PUM1: variants seen among roughly 807,000 people sequenced by gnomAD.
PUM1 encodes pumilio RNA binding family member 1.
A neutral mutation model predicts 131.8 loss-of-function variants in PUM1; 13 were observed. The ratio of observed to expected loss-of-function variants is 0.10; its 90% CI spans 0.06 to 0.16. PUM1 has a LOEUF of 0.16. PUM1 is among the 10% of genes least tolerant of loss of function. PUM1 has a pLI of 1.00. For synonymous variants in PUM1, 509 were observed against 556.5 expected (o/e 0.91, Z 1.20); for missense variants, 961 against 1,512.4 (o/e 0.64, Z 6.05).
chr1:31,028,641 CAA>C (rs1005571483), intron 3 of PUM1, 153 bp downstream of exon 3: 7 of 701,482 alleles, frequency 1.0e-5, no homozygotes, highest in Non-Finnish European at 1.7e-5. Flanking sequence ...ATAGTTTTGG[CAA>C]AATTCTCCAG....
At chr1:30,967,864 C>T (rs1338815337) in intron 11 of PUM1, among the ~76,000 whole-genome samples, 1 of 152,148 alleles carries the variant, frequency 6.6e-6, no homozygotes, top group Non-Finnish European at 1.5e-5. Context: ...GAACCAAAAA[C>T]AACATATATT....
intron 3 of PUM1, among the ~76,000 whole-genome samples, chr1:31,017,524 CTTTTT>C (rs747554543): frequency 1.4e-5 from 2 of 145,088 alleles, no homozygotes; most frequent in African/African-American, 5.0e-5. Context: ...TTTTTTTCTT[CTTTTT>C]TTTTTTTAGT....
At chr1:30,983,528 TTAAGGGTA>T (rs1469326798) in intron 7 of PUM1, among the ~76,000 whole-genome samples, 2 of 152,184 alleles carry the variant, frequency 1.3e-5, no homozygotes, top group Admixed American at 6.5e-5. Context: ...AACACAACTC[TTAAGGGTA>T]TCTCGATTTA....
intron 3 of PUM1, among the ~76,000 whole-genome samples, chr1:31,017,420 A>C (rs1402276876): frequency 6.6e-6 from 1 of 152,230 alleles, no homozygotes; most frequent in African/African-American, 2.4e-5. Context: ...AATTTAGAGC[A>C]AGCTTGTCCA....
At chr1:30,933,386 C>G in intron 21 of PUM1, 44 bp from the exon 22 acceptor site, 1 of 1,578,620 alleles carries the variant, frequency 6.3e-7, no homozygotes, top group African/African-American at 1.4e-5. Flanking sequence ...TGAGATGAGA[C>G]TTGGGGGCAG....
intron 12 of PUM1, 162 bp downstream of exon 12, chr1:30,967,005 C>A (rs1229954743): frequency 1.4e-4 from 90 of 628,120 alleles, no homozygotes; most frequent in East Asian, 1.8e-4. Flanking sequence ...AAAGGAGAAT[C>A]CACTAAGGTC....
intron 2 of PUM1, among the ~76,000 whole-genome samples, chr1:31,029,646 T>G (rs978172035): frequency 1.3e-5 from 2 of 152,234 alleles, no homozygotes; most frequent in African/African-American, 4.8e-5. Flanking sequence ...CTCTGCTGTC[T>G]GAGGCTAGAG....
intron 10 of PUM1, among the ~76,000 whole-genome samples, chr1:30,969,164 C>T (rs376524402): frequency 2.4e-3 from 361 of 151,902 alleles, no homozygotes; most frequent in African/African-American, 8.6e-3. Context: ...ATTAGCCAGG[C>T]GTGGCAGCAG....
intron 5 of PUM1, among the ~76,000 whole-genome samples, chr1:31,003,809 CAGA>C (rs1642303576): frequency 1.3e-5 from 2 of 152,110 alleles, no homozygotes; most frequent in South Asian, 4.1e-4. Flanking sequence ...CTCCATCCAC[CAGA>C]AGACTGTATA....
At chr1:30,973,894 C>A (rs1641030993) in intron 10 of PUM1, among the ~76,000 whole-genome samples, 1 of 151,744 alleles carries the variant, frequency 6.6e-6, no homozygotes, top group African/African-American at 2.4e-5. Context: ...TTGAGACAAG[C>A]CTGACCAACA....
At chr1:30,950,387 A>C (rs1639877940) in intron 16 of PUM1, 126 bp from the exon 17 acceptor site, 2 of 936,376 alleles carry the variant, frequency 2.1e-6, no homozygotes, top group Non-Finnish European at 3.1e-6. Flanking sequence ...CCCATGATTA[A>C]CTAAACCTTT....
At chr1:31,034,481 A>G (rs987045161) in intron 2 of PUM1, among the ~76,000 whole-genome samples, 1 of 152,204 alleles carries the variant, frequency 6.6e-6, no homozygotes, top group African/African-American at 2.4e-5. Flanking sequence ...CTCTACCAAA[A>G]ATACAAAAAT....
At chr1:31,052,200 G>A (rs570218646) in intron 2 of PUM1, among the ~76,000 whole-genome samples, 51 of 151,930 alleles carry the variant, frequency 3.4e-4, no homozygotes, top group African/African-American at 1.1e-3. Context: ...TTTTAGTAGA[G>A]ACAGGGTTTC....
At chr1:30,983,898 TG>T (rs1308118461) in intron 7 of PUM1, among the ~76,000 whole-genome samples, 1 of 152,012 alleles carries the variant, frequency 6.6e-6, no homozygotes, top group African/African-American at 2.4e-5. Flanking sequence ...CCACCACACC[TG>T]GGCTATATAT....
intron 13 of PUM1, among the ~76,000 whole-genome samples, 183 bp downstream of exon 13, chr1:30,965,799 A>T (rs1423652780): frequency 6.6e-6 from 1 of 152,226 alleles, no homozygotes; most frequent in African/African-American, 2.4e-5. Context: ...GCATGGATTG[A>T]AATAGGTCCC....
chr1:31,022,132 T>C (rs1313959788), intron 3 of PUM1, among the ~76,000 whole-genome samples: 1 of 151,358 alleles, frequency 6.6e-6, no homozygotes, highest in East Asian at 1.9e-4. Context: ...CTTAAGAATT[T>C]AGCTGGAGTC....
Position 30,941,026 on chromosome 1 carries a change from C to CT in PUM1, c.3242+124dup, listed in dbSNP as rs3838988. 5.2e-3 allele frequency: 5,999 copies of CT among 1,152,808 alleles called. 41 individuals carry two copies. The highest frequency in any genetic ancestry group is 0.023 in the East Asian group (903 of 38,582). The allele number at this position is 1,152,808 out of a possible 1,614,324, so 71.4% of individuals were successfully genotyped here. On this transcript the variant is annotated intron_variant, in intron 20 of 21. Transcript: ENST00000426105. ...TATACTTTGTAATAAAACTATTTGA[C>CT]TTTTAAGCTATATATACTTTGAAAA... is the stretch of plus-strand genomic sequence containing the variant.
intron 14 of PUM1, among the ~76,000 whole-genome samples, chr1:30,957,078 GGACA>G (rs1415852229): frequency 1.4e-5 from 1 of 72,886 alleles, no homozygotes; most frequent in Non-Finnish European, 2.6e-5. Flanking sequence ...CATACTACAA[GGACA>G]TTCATACACA....
In PUM1 at chr1:30,981,219, T is replaced by G. The variant is rs141138663; in HGVS notation, c.1252+93A>C. The G allele has an allele frequency of 1.4e-3, 1,032 of 735,238 alleles. 6 individuals are homozygous for G. In the African/African-American group the frequency reaches 0.015, roughly 11 times the overall value. 45.5% of individuals were successfully genotyped at this position (735,238 alleles called of 1,614,324 possible). ...TCTGAGGGATTTGTCTGAACTTTTA[T>G]AATCAGTTTAAATTACTGGGTTTCA... On this transcript the variant is annotated intron_variant, in intron 8 of 21. Transcript: ENST00000426105.
Sources: allele counts gnomAD v4.1 joint callset (sites outside exome capture counted in the v4.1 genomes callset), GRCh38; gene constraint gnomAD v4.1.1; transcripts MANE v1.5; gene names NCBI Gene and HGNC (gene_info 2026-07-23, HGNC 2026-07-21).